Variants in MYO9A observed in about 807,000 individuals in gnomAD.
The protein encoded by MYO9A is myosin IXA, also known as unconventional myosin-IXa.
Under a neutral mutation model 293.3 loss-of-function variants are expected in MYO9A, and 103 were observed. The observed-to-expected ratio is 0.35, with a 90% CI of 0.30 to 0.41. The LOEUF is 0.41. Ranked by LOEUF, MYO9A falls within the 10% of genes least tolerant of loss-of-function variation. MYO9A has a pLI of 1.00. For missense variants in MYO9A, 2,685 were observed against 3,033.0 expected, an observed-to-expected ratio of 0.89 and a Z score of 2.69; for synonymous variants, 1,001 against 1,035.7, an observed-to-expected ratio of 0.97 and a Z score of 0.64.
intron 18 of MYO9A, among the ~76,000 whole-genome samples, chr15:71,933,016 TAAAAA>T: frequency 6.6e-6 from 1 of 150,412 alleles, no homozygotes; most frequent in East Asian, 2.0e-4. Flanking sequence ...AATAAAAAAA[TAAAAA>T]AAAACCAGAG....
intron 1 of MYO9A, among the ~76,000 whole-genome samples, chr15:72,086,749 G>GT (rs386383455): frequency 2.4e-4 from 3 of 12,498 alleles, no homozygotes; most frequent in Non-Finnish European, 4.4e-3. Flanking sequence ...GGGCTGTTTT[G>GT]TTTTTTTTGT....
chr15:71,911,969 TTCC>T lies in MYO9A; in HGVS notation c.2685+4398_2685+4400del, dbSNP rs568906202. ...CTATTTATCAGTCTGAATTTTCTTT[TTCC>T]TTTTTTTTATTGAGTATATTTTATG... On this transcript the variant is annotated intron_variant, in intron 19 of 41. Coordinates refer to ENST00000356056, the MANE Select transcript of MYO9A (RefSeq NM_006901.4). Among the ~76,000 whole-genome samples the T allele has an allele frequency of 5.3e-3, 800 of 152,316 alleles. 9 individuals are homozygous for T. Among genetic ancestry groups the T allele is most frequent in the African/African-American group, 0.018 (763 of 41,568 alleles).
At chr15:71,981,092 T>C (rs376473827) in intron 11 of MYO9A, among the ~76,000 whole-genome samples, 2 of 152,220 alleles carry the variant, frequency 1.3e-5, no homozygotes, top group East Asian at 1.9e-4. Context: ...GATGATTAAA[T>C]GGCTTGATTC....
intron 18 of MYO9A, among the ~76,000 whole-genome samples, chr15:71,926,657 C>A (rs769346463): frequency 6.6e-6 from 1 of 152,114 alleles, no homozygotes; most frequent in South Asian, 2.1e-4. Context: ...CAGTGAGCCA[C>A]GATCGTACCA....
chr15:71,974,833 T>C (rs2076096843), intron 12 of MYO9A, among the ~76,000 whole-genome samples: 1 of 152,016 alleles, frequency 6.6e-6, no homozygotes, highest in African/African-American at 2.4e-5. Context: ...TAGACTAGAG[T>C]TGTTGTCTGC....
At chr15:72,050,926 T>C (rs1025225836) in intron 1 of MYO9A, among the ~76,000 whole-genome samples, 3 of 152,214 alleles carry the variant, frequency 2.0e-5, no homozygotes, top group Admixed American at 6.5e-5. Context: ...AAGCAGCCAA[T>C]TTCTAGTTCT....
intron 17 of MYO9A, among the ~76,000 whole-genome samples, chr15:71,934,564 A>G (rs140928502): frequency 9.1e-4 from 139 of 152,050 alleles, no homozygotes; most frequent in Admixed American, 7.8e-3. Flanking sequence ...GGAAATATCT[A>G]AAACATGTTA....
intron 32 of MYO9A, among the ~76,000 whole-genome samples, chr15:71,867,259 T>G (rs2056360251): frequency 6.6e-6 from 1 of 151,924 alleles, no homozygotes; most frequent in Admixed American, 6.6e-5. Context: ...TCCATAAAGA[T>G]CGCAATTTAA....
chr15:71,880,593 T>G (rs905463868), intron 28 of MYO9A, 35 bp from the exon 29 acceptor site: 6 of 1,533,328 alleles, frequency 3.9e-6, no homozygotes, highest in Non-Finnish European at 5.4e-6. Flanking sequence ...AAAGGACACA[T>G]TTAGTAAATA....
chr15:71,906,679 CA>C (rs1293669811), intron 19 of MYO9A, among the ~76,000 whole-genome samples: 1 of 147,112 alleles, frequency 6.8e-6, no homozygotes, highest in African/African-American at 2.5e-5. Context: ...CCTTTAGTAT[CA>C]TTGTATTTAA....
chr15:71,962,237 TA>T (rs1231670144), intron 13 of MYO9A, among the ~76,000 whole-genome samples: 5 of 152,172 alleles, frequency 3.3e-5, no homozygotes, highest in Non-Finnish European at 7.3e-5. Flanking sequence ...ATGGAAGGAT[TA>T]AAAATTTGGT....
chr15:71,907,955 C>T (rs983342496), intron 19 of MYO9A, among the ~76,000 whole-genome samples: 2 of 152,136 alleles, frequency 1.3e-5, no homozygotes, highest in African/African-American at 4.8e-5. Context: ...TTAATTAGAT[C>T]CCATTTGTCA....
Position 72,046,643 on chromosome 15 carries a change from T to C in MYO9A, c.-71-9A>G. 6 of 1,449,176 alleles carry C rather than the reference T, an allele frequency of 4.1e-6. No individual in the cohort carries two copies. Among genetic ancestry groups the C allele is most frequent in the African/African-American group, 1.4e-5 (1 of 71,026 alleles). 89.8% of individuals were successfully genotyped at this position (1,449,176 alleles called of 1,614,324 possible). A position where few individuals can be genotyped will look rare whatever the true frequency, so the allele number is the denominator to read the frequency against. On this transcript the variant is annotated splice_polypyrimidine_tract_variant and intron_variant, in intron 1 of 41. Coordinates refer to ENST00000356056, the MANE Select transcript of MYO9A (RefSeq NM_006901.4). ...TTTTCTTGGTAAAATAACTGTAACATAAAAGATGCAAAATATTTAGAAGTA... is the reference window on the plus strand; with the variant it reads ...TTTTCTTGGTAAAATAACTGTAACACAAAAGATGCAAAATATTTAGAAGTA...
At chr15:71,832,909 AT>A (rs1670161394) in intron 39 of MYO9A, among the ~76,000 whole-genome samples, 1 of 152,198 alleles carries the variant, frequency 6.6e-6, no homozygotes, top group Non-Finnish European at 1.5e-5. Context: ...TGGGAAAAAG[AT>A]AAAACTACTA....
At chr15:72,077,465 G>A (rs1347944387) in intron 1 of MYO9A, among the ~76,000 whole-genome samples, 1 of 151,980 alleles carries the variant, frequency 6.6e-6, no homozygotes, top group Non-Finnish European at 1.5e-5. Context: ...GCAGATGTGG[G>A]TGGATCATTT....
At chr15:72,103,589 G>A (rs909497807) in intron 1 of MYO9A, among the ~76,000 whole-genome samples, 44 of 151,894 alleles carry the variant, frequency 2.9e-4, no homozygotes, top group Non-Finnish European at 8.8e-5. Context: ...AGCAGAAGCA[G>A]CAGAAGCAGT....
At chr15:71,968,466 T>C (rs146576500) in intron 12 of MYO9A, among the ~76,000 whole-genome samples, 2 of 152,282 alleles carry the variant, frequency 1.3e-5, no homozygotes, top group African/African-American at 2.4e-5. Flanking sequence ...ATCCAAATCA[T>C]ATACTCTTTG....
rs1399975160 is a variant in MYO9A at position 71,899,119 on chromosome 15, CAG to C, written c.3471-89_3471-88del. 44 of 1,253,620 alleles carry C rather than the reference CAG, an allele frequency of 3.5e-5. 1 individual carries two copies. The highest frequency in any genetic ancestry group is 4.4e-5 in the Non-Finnish European group (40 of 913,914). The allele number at this position is 1,253,620 out of a possible 1,614,324, so 77.7% of individuals were successfully genotyped here. ...TTTCCTGAGAATTTAAGAAAAAATG[CAG>C]AGTTGTAAAATCTTTTTATAATACC... On this transcript the variant is annotated intron_variant, in intron 24 of 41. Coordinates refer to ENST00000356056, the MANE Select transcript of MYO9A (RefSeq NM_006901.4).
intron 14 of MYO9A, chr15:71,959,509 A>G (rs1366726310): frequency 5.5e-6 from 1 of 181,022 alleles, no homozygotes; most frequent in Non-Finnish European, 1.2e-5. Flanking sequence ...AAAAGTGCTT[A>G]TGAAGTTGCC....
Sources: gnomAD v4.1 joint callset for allele counts (sites outside exome capture counted in the v4.1 genomes callset) on GRCh38, gnomAD v4.1.1 for gene constraint, MANE v1.5 for transcripts, NCBI Gene and HGNC (gene_info 2026-07-23, HGNC 2026-07-21) for gene names.